Variants in RNF123 observed in about 807,000 individuals in gnomAD.
RNF123 encodes ring finger protein 123.
RNF123 carries 86 observed loss-of-function variants against 168.5 expected under a neutral mutation model. The observed-to-expected ratio is 0.51, with a 90% CI of 0.43 to 0.61. The LOEUF (loss-of-function observed/expected upper bound fraction) is 0.61. RNF123 is among the 20% of genes least tolerant of loss of function. The pLI is 0.00. For missense variants in RNF123, 1,419 were observed against 1,729.7 expected (o/e 0.82, Z 3.19); for synonymous variants, 666 against 689.1 (o/e 0.97, Z 0.52).
rs1213703913 is a variant in RNF123 at position 49,717,810 on chromosome 3, A to ATTGTG, written c.3500+1336_3500+1340dup. The ATTGTG allele has an allele frequency of 4.5e-6, 4 of 887,118 alleles. No individual in the cohort carries two copies. The African/African-American group carries it at 6.7e-5, about 15-fold the overall frequency. 55.0% of individuals were successfully genotyped at this position (887,118 alleles called of 1,614,324 possible). On this transcript the variant is annotated intron_variant, in intron 35 of 38. Coordinates refer to ENST00000327697, the MANE Select transcript of RNF123 (RefSeq NM_022064.5). ...TCTCTACCAGTGAGCGAGAAGGCCC[A>ATTGTG]TTGTGTTTCGAGGCCCATACAGGAA...
In RNF123 at chr3:49,705,137, G is replaced by A; in HGVS notation, c.2113G>A (p.Val705Met). 1 of 1,609,412 alleles carries A rather than the reference G, an allele frequency of 6.2e-7. No homozygotes were observed. Among genetic ancestry groups the A allele is most frequent in the Non-Finnish European group, 8.5e-7 (1 of 1,177,866 alleles). The change falls in exon 23 of 39, where the codon GTG becomes ATG. Residue 705 changes from valine (V) to methionine (M), a missense_variant. Physicochemically the swap from Val to Met is conservative, Grantham distance 21 (BLOSUM62 1). Around this residue, in one of 5 missense-constraint regions of RNF123, gnomAD observed 538 missense variants for 708.8 expected, o/e 0.76. Transcript: ENST00000327697. The part of the protein sequence containing the change: ...PRRPLSTSEK[V>M]KVRTLSVEQR... ...GCGGCCTCTGAGCACCTCGGAGAAA[G>A]TGAAGGTCCGCACGCTGAGCGTGGA...
Position 49,715,857 on chromosome 3 carries a change from TG to T in RNF123, c.3187del (p.Val1063TrpfsTer25). ...CTGCTGAGCGCCTGGAGCGGAACTT[TG>T]TGGACAGCCGGCAGCTCAAGGTATG... Reference protein sequence around the residue: ...QAAERLERNFVDSRQLKVCAT... With the variant: ...QAAERLERNFXDSRQLKVCAT... On this transcript the variant is annotated frameshift_variant, in exon 33 of 39. Transcript: ENST00000327697. LOFTEE classifies it high-confidence loss of function. The T allele has an allele frequency of 9.9e-6, 16 of 1,614,050 alleles. No homozygotes were observed. Among genetic ancestry groups the T allele is most frequent in the Non-Finnish European group, 1.4e-5 (16 of 1,180,040 alleles).
In RNF123 at chr3:49,699,255, C is replaced by CT. The variant is rs1385823040; in HGVS notation, c.764+153dup. On this transcript the variant is annotated intron_variant, in intron 10 of 38. Transcript: ENST00000327697. The surrounding 1 kb of genome is among the most constrained non-coding windows in gnomAD (Gnocchi z 4.8). The stretch of plus-strand genomic sequence containing the variant: ...GGGCCATGTAGAGTGTCGAAGAAAA[C>CT]TTTCCTCGCAGCAGCCTGGTTGGTT... The CT allele has an allele frequency of 3.3e-6, 4 of 1,203,634 alleles. No individual in the cohort carries two copies. The highest frequency in any genetic ancestry group is 4.6e-6 in the Non-Finnish European group (4 of 871,482). The allele number at this position is 1,203,634 out of a possible 1,614,324, so 74.6% of individuals were successfully genotyped here.
intron 35 of RNF123, chr3:49,718,844 C>A (rs764721956): frequency 2.5e-6 from 4 of 1,613,298 alleles, no homozygotes; most frequent in Non-Finnish European, 3.4e-6. Context: ...TTGAGGAAGG[C>A]CGGCAGCGCG....
In RNF123 at chr3:49,699,664, A is replaced by G. The variant is rs756460156; in HGVS notation, c.880-4A>G. The G allele has an allele frequency of 6.2e-7, 1 of 1,612,906 alleles. No homozygotes were observed. Among genetic ancestry groups the G allele is most frequent in the African/African-American group, 1.3e-5 (1 of 74,860 alleles). On this transcript the variant is annotated splice_region_variant and splice_polypyrimidine_tract_variant and intron_variant, in intron 11 of 38. Coordinates refer to ENST00000327697, the MANE Select transcript of RNF123 (RefSeq NM_022064.5). This position sits in a 1 kb window ranked among gnomAD's most constrained non-coding sequence, Gnocchi z 4.8. ...ACACTTCTCCCTCCTCCCCCTCCAC[A>G]CAGGAGGGGCGGCTGTTGGACAAGG... is the stretch of plus-strand genomic sequence containing the variant.
At position 49,701,712 on chromosome 3, in the gene RNF123, C is replaced by T. The variant is rs1318693403; in HGVS notation, c.1396-99C>T. The T allele has an allele frequency of 6.9e-6, 10 of 1,451,784 alleles. No homozygotes were observed. The African/African-American group carries it at 1.4e-4, about 20-fold the overall frequency. The allele number at this position is 1,451,784 out of a possible 1,614,324, so 89.9% of individuals were successfully genotyped here. A position where few individuals can be genotyped will look rare whatever the true frequency, so the allele number is the denominator to read the frequency against. ...ATGAGGCCTTTTCACTGGCCCTGGT[C>T]CCTGAAGCCCTGGAGATGGAGTGTG... On this transcript the variant is annotated intron_variant, in intron 16 of 38. Coordinates refer to ENST00000327697, the MANE Select transcript of RNF123 (RefSeq NM_022064.5).
Position 49,721,280 on chromosome 3 carries a change from C to T in RNF123, c.3920C>T (p.Thr1307Met), listed in dbSNP as rs769831352. Residue 1307 changes from threonine to methionine, a missense_variant, in exon 39 of 39, where the codon ACG becomes ATG. By Grantham distance (81) the Thr-to-Met change is moderately conservative. This residue lies in a region of RNF123 where 50 missense variants were observed against 77.2 expected (regional missense o/e 0.65). Transcript: ENST00000327697. ...GAGGACTGGGAGAAGGGAGCCAATA[C>T]GAGTACTACCTCCTCAGCTGCCTAG... ...SVEDWEKGAN[T>M]STTSSAA 7 of 1,614,106 alleles carry T rather than the reference C, an allele frequency of 4.3e-6. No homozygotes were observed. Among genetic ancestry groups the T allele is most frequent in the African/African-American group, 2.7e-5 (2 of 74,934 alleles).
chr3:49,700,301 G>T lies in RNF123; in HGVS notation c.1059G>T (p.Gln353His). 1 of 1,614,236 alleles carries T rather than the reference G, an allele frequency of 6.2e-7. No homozygotes were observed. The change falls in exon 13 of 39, where the codon CAG becomes CAT. Residue 353 changes from glutamine (Q) to histidine (H), a missense_variant. This residue lies in a region of RNF123 where 349 missense variants were observed against 344.9 expected (regional missense o/e 1.01). Coordinates refer to ENST00000327697, the MANE Select transcript of RNF123 (RefSeq NM_022064.5). ...LGIVEKGTPT[Q>H]AQSVVHQVLD... ...TCGTGGAGAAGGGCACACCCACACA[G>T]GCACAGTCCGTGGTGCACCAGGTCC...
At chr3:49,712,272 A>C (rs73077157) in intron 26 of RNF123, among the ~76,000 whole-genome samples, 14,779 of 151,670 alleles carry the variant, frequency 0.097, 1,005 homozygotes, top group South Asian at 0.15. Flanking sequence ...CCTGGGTCAC[A>C]GTAATGCGCC....
chr3:49,713,517 T>C lies in RNF123; in HGVS notation c.2679T>C (p.Tyr893=), dbSNP rs1275531065. 2 of 1,608,884 alleles carry C rather than the reference T, an allele frequency of 1.2e-6. No homozygotes were observed. Among genetic ancestry groups the C allele is most frequent in the Admixed American group, 3.4e-5 (2 of 59,236 alleles). The change falls in exon 28 of 39, where the codon TAT becomes TAC. Residue 893 remains tyrosine (Y), a synonymous_variant. Coordinates refer to ENST00000327697, the MANE Select transcript of RNF123 (RefSeq NM_022064.5). ...TCTCACTTCCCACCCTTGCAGGCTA[T>C]GAAGAGACCCTGACCCGCCTGGCTG... ...PVHSMEELPG[Y]EETLTRLAAI... is the part of the protein sequence containing the mutation.
intron 25 of RNF123, 93 bp downstream of exon 25, chr3:49,706,158 C>T: frequency 9.0e-7 from 1 of 1,106,944 alleles, no homozygotes; most frequent in Non-Finnish European, 1.4e-6. Context: ...CCTGGCAGTT[C>T]TCATCCCCAC....
At chr3:49,718,192 G>A (rs1407143107) in intron 35 of RNF123, 11 of 1,612,804 alleles carry the variant, frequency 6.8e-6, no homozygotes, top group East Asian at 2.2e-5. Flanking sequence ...CTCTTGGAGC[G>A]GGCTGGGTGT....
chr3:49,719,001 G>A (rs1373683674), intron 35 of RNF123: 2 of 1,613,736 alleles, frequency 1.2e-6, no homozygotes, highest in African/African-American at 1.3e-5. Flanking sequence ...GCGCGCGCAG[G>A]CCGTGGAAGG....
rs142024139 is a variant in RNF123 at position 49,715,535 on chromosome 3, A to G, written c.3011-40A>G. 891 of 1,612,428 alleles carry G rather than the reference A, an allele frequency of 5.5e-4. 8 individuals carry two copies. The East Asian group carries it at 0.018, about 32-fold the overall frequency. On this transcript the variant is annotated intron_variant, in intron 31 of 38. Transcript: ENST00000327697. Reference sequence around the variant, plus strand: ...GAGGCAAACAGGCAGAGGCCACTGCAGTGGAGTCCCTGATGATGCCGCCTC... The same window carrying G: ...GAGGCAAACAGGCAGAGGCCACTGCGGTGGAGTCCCTGATGATGCCGCCTC...
Position 49,706,077 on chromosome 3 carries a change from A to G in RNF123, c.2388+12A>G, listed in dbSNP as rs756222377. On this transcript the variant is annotated intron_variant, in intron 25 of 38. Coordinates refer to ENST00000327697, the MANE Select transcript of RNF123 (RefSeq NM_022064.5). ...GGTGCCCCAAGAGGGTAAGGCCCAC[A>G]TAGTCTTGGTGAGGGGCAGCTTGCT... is the stretch of plus-strand genomic sequence containing the variant. 3 of 1,612,862 alleles carry G rather than the reference A, an allele frequency of 1.9e-6. No homozygotes were observed. The highest frequency in any genetic ancestry group is 1.7e-5 in the Admixed American group (1 of 60,028).
intron 35 of RNF123, chr3:49,719,448 C>T: frequency 6.2e-7 from 1 of 1,612,554 alleles, no homozygotes; most frequent in Non-Finnish European, 8.5e-7. Context: ...GTGTCCCCAG[C>T]AGCACCAACC....
In RNF123 at chr3:49,702,537, C is replaced by T. The variant is rs2054425109; in HGVS notation, c.1630-96C>T. ...AGCTTTTCTCTGCTGCTTTTCCCTC[C>T]CTGCTTAACCCTCGACCCTCAGGCA... On this transcript the variant is annotated intron_variant, in intron 19 of 38. Coordinates refer to ENST00000327697, the MANE Select transcript of RNF123 (RefSeq NM_022064.5). 1.9e-6 allele frequency: 3 copies of T among 1,608,374 alleles called. No homozygotes were observed. The South Asian group carries it at 3.3e-5, about 18-fold the overall frequency.
intron 26 of RNF123, among the ~76,000 whole-genome samples, chr3:49,709,630 G>T (rs1260336882): frequency 1.4e-5 from 2 of 147,940 alleles, no homozygotes; most frequent in Admixed American, 6.8e-5. Flanking sequence ...GTAGAGATGG[G>T]GTTTCTTCAT....
In RNF123 at chr3:49,703,434, C is replaced by T. The variant is rs1322281758; in HGVS notation, c.1758C>T (p.Tyr586=). 2 of 1,613,854 alleles carry T rather than the reference C, an allele frequency of 1.2e-6. No homozygotes were observed. Among genetic ancestry groups the T allele is most frequent in the African/African-American group, 1.3e-5 (1 of 74,932 alleles). ...NPHASFSEEA[Y]IPPQVFYNGK... is the part of the protein sequence containing the mutation. The stretch of plus-strand genomic sequence containing the variant: ...CTCCTCAATTCCTCGCAGAGGCCTA[C>T]ATCCCGCCCCAGGTCTTCTATAATG... The change falls in exon 21 of 39, where the codon TAC becomes TAT. Residue 586 remains tyrosine (Y), a synonymous_variant. Transcript: ENST00000327697.
Sources: allele counts gnomAD v4.1 joint callset (sites outside exome capture counted in the v4.1 genomes callset), GRCh38; gene constraint gnomAD v4.1.1; regional missense constraint gnomAD v4.1.1; non-coding constraint Gnocchi (gnomAD v3.1); transcripts MANE v1.5; gene names NCBI Gene and HGNC (gene_info 2026-07-23, HGNC 2026-07-21).